GTPBP10: variants seen among roughly 807,000 people sequenced by gnomAD.
GTPBP10 encodes the protein GTP-binding protein 10.
In GTPBP10, 38 loss-of-function variants were observed where a neutral mutation model predicts 44.8. That is an observed-to-expected ratio of 0.85 (90% CI 0.65 to 1.11). The LOEUF (loss-of-function observed/expected upper bound fraction) is 1.11, where lower values mean the gene tolerates loss of function less well. Ranked by LOEUF, GTPBP10 falls within the 50% of genes most tolerant of loss-of-function variation. The pLI is 0.00. For synonymous variants in GTPBP10, 152 were observed against 150.6 expected (o/e 1.01, Z -0.07); for missense variants, 462 against 453.7 (o/e 1.02, Z -0.17).
chr7:90,381,027 C>T (rs1796427502), intron 8 of GTPBP10, among the ~76,000 whole-genome samples: 1 of 152,088 alleles, frequency 6.6e-6, no homozygotes, highest in Non-Finnish European at 1.5e-5. Context: ...TTTCGTTATT[C>T]ATCCATTGAT....
chr7:90,371,331 G>GTAAT, intron 4 of GTPBP10: 2 of 186,822 alleles, frequency 1.1e-5, no homozygotes, highest in Non-Finnish European at 1.0e-5. Context: ...ATTGAAAAGT[G>GTAAT]TTCACCTTAT....
Position 90,355,148 on chromosome 7 carries a change from C to G in GTPBP10, c.382C>G (p.Leu128Val), listed in dbSNP as rs1257577885. The G allele has an allele frequency of 6.2e-7, 1 of 1,605,224 alleles. No individual in the cohort carries two copies. ...TCAAGGAGGTCTTGGTGGTAAATTA[C>G]TTACAAATTTCTTACCATTGAAAGG... ...VAQGGLGGKL[L>V]TNFLPLKGQK... Residue 128 changes from leucine to valine, a missense_variant, in exon 4 of 10, where the codon CTT becomes GTT. By Grantham distance (32) the Leu-to-Val change is conservative. Coordinates refer to ENST00000222511, the MANE Select transcript of GTPBP10 (RefSeq NM_033107.4).
At chr7:90,360,298 T>C (rs1795989708) in intron 4 of GTPBP10, among the ~76,000 whole-genome samples, 1 of 152,322 alleles carries the variant, frequency 6.6e-6, no homozygotes, top group African/African-American at 2.4e-5. Flanking sequence ...CTTTAATCCA[T>C]CTTGAATTAA....
chr7:90,361,158 T>G (rs1796011470), intron 4 of GTPBP10, among the ~76,000 whole-genome samples: 1 of 152,218 alleles, frequency 6.6e-6, no homozygotes, highest in Admixed American at 6.5e-5. Flanking sequence ...TGGCCAGAAC[T>G]TCCAATACTA....
chr7:90,347,167 A>G (rs1795693624), intron 1 of GTPBP10, among the ~76,000 whole-genome samples: 1 of 152,186 alleles, frequency 6.6e-6, no homozygotes, highest in East Asian at 1.9e-4. Flanking sequence ...TTATGAAGAC[A>G]CGAAAGCGTG....
At chr7:90,352,654 A>G (rs1027144006) in intron 1 of GTPBP10, among the ~76,000 whole-genome samples, 162 bp from the exon 2 acceptor site, 3 of 152,254 alleles carry the variant, frequency 2.0e-5, no homozygotes, top group Non-Finnish European at 4.4e-5. Flanking sequence ...AGGGGGTCAG[A>G]TCGGAGATGT....
chr7:90,380,744 A>T (rs1391402709), intron 8 of GTPBP10, among the ~76,000 whole-genome samples: 1 of 152,126 alleles, frequency 6.6e-6, no homozygotes, highest in Admixed American at 6.6e-5. Flanking sequence ...TTCAGGGCTT[A>T]TTCATCCTAT....
intron 6 of GTPBP10, 115 bp downstream of exon 6, chr7:90,374,469 C>A: frequency 1.5e-6 from 1 of 660,814 alleles, no homozygotes; most frequent in Non-Finnish European, 2.7e-6. Flanking sequence ...GAAAAAGTAA[C>A]AAGATTTTGT....
Position 90,379,064 on chromosome 7 carries a change from C to A in GTPBP10, c.777+853C>A, listed in dbSNP as rs186607807. 5.3e-5 allele frequency among the ~76,000 whole-genome samples: 8 copies of A among 152,224 alleles called. No homozygotes were observed. In the East Asian group the frequency reaches 1.5e-3, roughly 29 times the overall value. ...TTCTTTGACTAGATGTCCCATTAGT[C>A]ACTTAAACTTAATATGGATAAAAGT... On this transcript the variant is annotated intron_variant, in intron 8 of 9. Coordinates refer to ENST00000222511, the MANE Select transcript of GTPBP10 (RefSeq NM_033107.4).
chr7:90,380,074 C>CTTTTTTT (rs58735928), intron 8 of GTPBP10, among the ~76,000 whole-genome samples: 9 of 104,368 alleles, frequency 8.6e-5, no homozygotes, highest in Middle Eastern at 6.6e-3. Flanking sequence ...AGTCCCTTCT[C>CTTTTTTT]TTTTTTTTTT....
intron 6 of GTPBP10, among the ~76,000 whole-genome samples, chr7:90,375,636 A>G (rs1224473646): frequency 2.0e-5 from 3 of 152,192 alleles, no homozygotes; most frequent in Non-Finnish European, 2.9e-5. Flanking sequence ...CATCATTTAT[A>G]CCGAATTTTT....
At chr7:90,363,293 T>C (rs1268982352) in intron 4 of GTPBP10, among the ~76,000 whole-genome samples, 2 of 152,230 alleles carry the variant, frequency 1.3e-5, no homozygotes, top group African/African-American at 2.4e-5. Context: ...TTTCCATGTT[T>C]AGTGCTTCCT....
intron 4 of GTPBP10, among the ~76,000 whole-genome samples, chr7:90,366,159 G>A (rs1434615678): frequency 3.3e-5 from 5 of 152,068 alleles, no homozygotes; most frequent in African/African-American, 4.8e-5. Flanking sequence ...TGCTGGGTTC[G>A]GTTTGCCAGT....
chr7:90,371,174 G>T, intron 4 of GTPBP10: 5 of 966,904 alleles, frequency 5.2e-6, no homozygotes, highest in Non-Finnish European at 6.1e-6. Flanking sequence ...AGAAAAAGTT[G>T]TCTATGAATT....
chr7:90,361,420 TA>T (rs150515801), intron 4 of GTPBP10, among the ~76,000 whole-genome samples: 135,880 of 152,134 alleles, frequency 0.89, 60,882 homozygotes, highest in East Asian at 1. Flanking sequence ...GTTCTGTTTA[TA>T]TGCTGGATTA....
chr7:90,376,070 C>CAAA (rs368737563), intron 6 of GTPBP10, among the ~76,000 whole-genome samples: 1 of 129,348 alleles, frequency 7.7e-6, no homozygotes, highest in Non-Finnish European at 1.7e-5. Flanking sequence ...ACTAAAAATA[C>CAAA]AAAAAAAAAA....
intron 5 of GTPBP10, among the ~76,000 whole-genome samples, chr7:90,372,510 G>T (rs536357707): frequency 1.2e-4 from 11 of 93,644 alleles, no homozygotes; most frequent in Non-Finnish European, 2.3e-4. Context: ...GGGGACAGGG[G>T]TTTCGCCATG....
At chr7:90,380,847 C>A (rs1196671871) in intron 8 of GTPBP10, among the ~76,000 whole-genome samples, 3 of 152,170 alleles carry the variant, frequency 2.0e-5, no homozygotes, top group African/African-American at 7.2e-5. Flanking sequence ...ACTATGAATT[C>A]AACCTTTTAA....
chr7:90,353,356 C>T (rs1795832336), intron 2 of GTPBP10: 1 of 169,750 alleles, frequency 5.9e-6, no homozygotes, highest in African/African-American at 2.4e-5. Context: ...TCTACCCCAC[C>T]ACCATTAGAA....
Sources: gnomAD v4.1 joint callset for allele counts (sites outside exome capture counted in the v4.1 genomes callset) on GRCh38, gnomAD v4.1.1 for gene constraint, MANE v1.5 for transcripts, NCBI Gene and HGNC (gene_info 2026-07-23, HGNC 2026-07-21) for gene names.